Variants in SEL1L3 observed in about 807,000 individuals in gnomAD.
The protein encoded by SEL1L3 is SEL1L family member 3, also known as protein sel-1 homolog 3.
Under a neutral mutation model 142.8 loss-of-function variants are expected in SEL1L3, and 76 were observed. The ratio of observed to expected loss-of-function variants is 0.53; its 90% CI spans 0.44 to 0.64. SEL1L3 has a LOEUF of 0.64. Ranked by LOEUF, SEL1L3 falls within the 30% of genes least tolerant of loss-of-function variation. The probability of loss-of-function intolerance (pLI) is 0.00; values close to 1 mark genes in which losing one functional copy is unlikely to be tolerated. For synonymous variants in SEL1L3, 504 were observed against 519.6 expected, an observed-to-expected ratio of 0.97 and a Z score of 0.41; for missense variants, 1,262 against 1,381.7, an observed-to-expected ratio of 0.91 and a Z score of 1.37.
the SEL1L3 span, among the ~76,000 whole-genome samples, chr4:25,722,510 G>A: frequency 1.0e-3 from 154 of 152,060 alleles, 1 homozygote; most frequent in Non-Finnish European, 1.7e-3. Context: ...TGTGAGCTGC[G>A]CAAAGTCAGA....
At chr4:25,753,935 G>T (rs1201178824) in intron 23 of SEL1L3, among the ~76,000 whole-genome samples, 2 of 151,954 alleles carry the variant, frequency 1.3e-5, no homozygotes, top group Non-Finnish European at 2.9e-5. Context: ...AGTGAGCTGA[G>T]ATTGTACCAC....
chr4:25,816,372 G>C (rs969222420), intron 9 of SEL1L3, among the ~76,000 whole-genome samples: 19 of 151,994 alleles, frequency 1.3e-4, no homozygotes, highest in African/African-American at 4.6e-4. Context: ...ATTGGACCCA[G>C]GCCAGCTGGC....
At chr4:25,817,997 G>T in intron 9 of SEL1L3, 141 bp downstream of exon 9, 1 of 859,898 alleles carries the variant, frequency 1.2e-6, no homozygotes, top group Non-Finnish European at 1.8e-6. Flanking sequence ...TACAAAGGCA[G>T]AATTTAAATC....
At chr4:25,777,361 A>G (rs13112311) in intron 16 of SEL1L3, among the ~76,000 whole-genome samples, 61,370 of 151,972 alleles carry the variant, frequency 0.4, 13,138 homozygotes, top group African/African-American at 0.55. Context: ...AGAACTAAAA[A>G]GAGAGGTAGG....
intron 20 of SEL1L3, among the ~76,000 whole-genome samples, chr4:25,763,679 C>G (rs182233067): frequency 9.2e-4 from 140 of 152,316 alleles, no homozygotes; most frequent in Non-Finnish European, 8.2e-4. Flanking sequence ...AAAACCCCAT[C>G]TCTACAAAAA....
chr4:25,722,440 C>G, the SEL1L3 span, among the ~76,000 whole-genome samples: 1 of 152,090 alleles, frequency 6.6e-6, no homozygotes, highest in Admixed American at 6.6e-5. Flanking sequence ...TTAAGATGAA[C>G]ATGCCTCACT....
chr4:25,849,871 A>G (rs1391498343), intron 1 of SEL1L3, among the ~76,000 whole-genome samples: 1 of 152,256 alleles, frequency 6.6e-6, no homozygotes, highest in Non-Finnish European at 1.5e-5. Context: ...AAACGTGGTC[A>G]GTGTTCCCAT....
At chr4:25,770,010 C>G (rs993989944) in intron 17 of SEL1L3, among the ~76,000 whole-genome samples, 7 of 152,018 alleles carry the variant, frequency 4.6e-5, no homozygotes, top group African/African-American at 1.4e-4. Context: ...TGCCTGTAAT[C>G]CCAGCCACTC....
intron 20 of SEL1L3, among the ~76,000 whole-genome samples, chr4:25,762,676 G>C (rs186958510): frequency 3.9e-5 from 6 of 152,204 alleles, no homozygotes; most frequent in African/African-American, 1.4e-4. Context: ...TAAATGATAA[G>C]ACAGATTTTA....
chr4:25,861,470 TA>T (rs2109332604), intron 1 of SEL1L3, among the ~76,000 whole-genome samples: 1 of 152,276 alleles, frequency 6.6e-6, no homozygotes, highest in African/African-American at 2.4e-5. Context: ...ATTCAAGAAG[TA>T]AAAAACGTTA....
chr4:25,793,138 GC>G (rs1226006956), intron 11 of SEL1L3, among the ~76,000 whole-genome samples: 1 of 152,174 alleles, frequency 6.6e-6, no homozygotes, highest in Non-Finnish European at 1.5e-5. Context: ...TAAGTAACAA[GC>G]CCAACATCAG....
chr4:25,811,224 A>T (rs1264413849), intron 9 of SEL1L3, among the ~76,000 whole-genome samples: 1 of 152,240 alleles, frequency 6.6e-6, no homozygotes, highest in African/African-American at 2.4e-5. Flanking sequence ...TATGAAAGCA[A>T]GAACTATGAC....
At chr4:25,858,449 G>A (rs1179289712) in intron 1 of SEL1L3, among the ~76,000 whole-genome samples, 3 of 152,216 alleles carry the variant, frequency 2.0e-5, no homozygotes, top group East Asian at 1.9e-4. Context: ...ATGGATGACC[G>A]AGGGTGTGTG....
chr4:25,746,507 A>AATATATATATATATATATAT (rs141668402), downstream of SEL1L3, among the ~76,000 whole-genome samples: 5 of 101,538 alleles, frequency 4.9e-5, no homozygotes, highest in East Asian at 3.2e-4. Context: ...ATATTATCTA[A>AATATATATATATATATATAT]ATATATATAT....
intron 2 of SEL1L3, 145 bp downstream of exon 2, chr4:25,847,149 A>G (rs1252698766): frequency 3.0e-6 from 2 of 663,788 alleles, no homozygotes; most frequent in African/African-American, 3.6e-5. Context: ...TTTGTCTTCA[A>G]ACTCCAAAGT....
intron 23 of SEL1L3, 34 bp downstream of exon 23, chr4:25,757,500 T>A (rs63234760): frequency 5.9e-5 from 66 of 1,114,270 alleles, no homozygotes; most frequent in African/African-American, 3.3e-4. Flanking sequence ...TTTTTTTTTT[T>A]AATATATTGC....
At chr4:25,819,092 T>C (rs909613275) in intron 8 of SEL1L3, among the ~76,000 whole-genome samples, 4 of 152,176 alleles carry the variant, frequency 2.6e-5, no homozygotes, top group African/African-American at 4.8e-5. Context: ...AAGGAACATA[T>C]GTGAGTAACT....
At chr4:25,855,105 C>T (rs368387765) in intron 1 of SEL1L3, among the ~76,000 whole-genome samples, 8 of 152,350 alleles carry the variant, frequency 5.3e-5, no homozygotes, top group Admixed American at 1.3e-4. Flanking sequence ...TGATTCACCA[C>T]GAGTCGTGGC....
At chr4:25,725,091 A>C in the SEL1L3 span, among the ~76,000 whole-genome samples, 1 of 152,140 alleles carries the variant, frequency 6.6e-6, no homozygotes, top group East Asian at 1.9e-4. Flanking sequence ...TTTCCGGTGC[A>C]TAGATGGGGA....
Sources: gnomAD v4.1 joint callset for allele counts (sites outside exome capture counted in the v4.1 genomes callset) on GRCh38, gnomAD v4.1.1 for gene constraint, MANE v1.5 for transcripts, NCBI Gene and HGNC (gene_info 2026-07-23, HGNC 2026-07-21) for gene names.